The following ARHGEF4 variants were observed in gnomAD, a reference collection of about 807,000 sequenced individuals.
ARHGEF4 encodes the protein Rho guanine nucleotide exchange factor 4.
A neutral mutation model predicts 162.0 loss-of-function variants in ARHGEF4; 119 were observed. The observed-to-expected ratio is 0.73, with a 90% CI of 0.63 to 0.86. The LOEUF is 0.86. Among genes scored for constraint, ARHGEF4 ranks in the 40% least tolerant of loss-of-function variants. The pLI is 0.00. For synonymous variants in ARHGEF4, 1,014 were observed against 979.9 expected (o/e 1.03, Z -0.65); for missense variants, 2,488 against 2,456.0 (o/e 1.01, Z -0.28).
In ARHGEF4 at chr2:130,915,775, G is replaced by T; in HGVS notation, c.1829G>T (p.Gly610Val). ...GAEEGEQGPG[G>V]AGGRQLEPKA... is the part of the protein sequence containing the mutation. ...GAGGAGGGTGAACAGGGGCCTGGGG[G>T]TGCCGGGGGCCGGCAGCTGGAGCCC... Residue 610 changes from glycine (G) to valine (V), a missense_variant, in exon 2 of 14, where the codon GGT (glycine) becomes GTT (valine). By Grantham distance (109) the Gly-to-Val change is moderately radical. This residue lies in a region of ARHGEF4 where 1,642 missense variants were observed against 1,481.5 expected (regional missense o/e 1.11). Transcript: ENST00000409359. The T allele has an allele frequency of 6.5e-7, 1 of 1,529,024 alleles. No homozygotes were observed. Among genetic ancestry groups the T allele is most frequent in the Non-Finnish European group, 8.8e-7 (1 of 1,136,626 alleles). The allele number at this position is 1,529,024 out of a possible 1,614,324, so 94.7% of individuals were successfully genotyped here.
intron 1 of ARHGEF4, among the ~76,000 whole-genome samples, chr2:130,845,365 A>G (rs7581148): frequency 0.11 from 16,882 of 151,872 alleles, 1,405 homozygotes; most frequent in African/African-American, 0.21. Context: ...AAAAAAATTA[A>G]CGTGGCATGG....
Position 131,031,804 on chromosome 2 carries a change from C to T in ARHGEF4, c.4125+3720C>T, listed in dbSNP as rs145726391. ...TGTCTGCCCAGTTCCTCGCCCTCCC[C>T]CTTGACTCTCTTGGGCTGCACTGTG... On this transcript the variant is annotated intron_variant, in intron 5 of 13. Coordinates refer to ENST00000409359, the MANE Select transcript of ARHGEF4 (RefSeq NM_001367493.1). 2.2e-3 allele frequency among the ~76,000 whole-genome samples: 328 copies of T among 152,358 alleles called. 2 individuals carry two copies. The highest frequency in any genetic ancestry group is 6.9e-3 in the African/African-American group (287 of 41,590).
At chr2:131,030,972 G>C (rs566891898) in intron 5 of ARHGEF4, among the ~76,000 whole-genome samples, 2 of 152,364 alleles carry the variant, frequency 1.3e-5, no homozygotes, top group South Asian at 4.1e-4. Context: ...AGCTTTGCTG[G>C]GGGTTAGCGT....
chr2:130,882,593 G>A (rs1679265518), intron 1 of ARHGEF4, among the ~76,000 whole-genome samples: 1 of 151,958 alleles, frequency 6.6e-6, no homozygotes, highest in African/African-American at 2.4e-5. Flanking sequence ...TTCAACATAT[G>A]AACTTGGGGG....
At chr2:130,909,515 A>AAGGAGAGGGTGTTGAGGGAGGG (rs1681039924) in intron 1 of ARHGEF4, among the ~76,000 whole-genome samples, 1 of 152,108 alleles carries the variant, frequency 6.6e-6, no homozygotes, top group East Asian at 1.9e-4. Flanking sequence ...TTGAGGGAGG[A>AAGGAGAGGGTGTTGAGGGAGGG]GTGAGGAGAG....
At chr2:131,033,983 G>C (rs886350040) in intron 5 of ARHGEF4, among the ~76,000 whole-genome samples, 1 of 152,204 alleles carries the variant, frequency 6.6e-6, no homozygotes, top group Non-Finnish European at 1.5e-5. Context: ...GGTACCCCTT[G>C]TGTACACACA....
At chr2:130,907,128 G>GT (rs1264576667) in intron 1 of ARHGEF4, among the ~76,000 whole-genome samples, 3 of 151,234 alleles carry the variant, frequency 2.0e-5, no homozygotes, top group African/African-American at 4.9e-5. Flanking sequence ...ACAATATGCA[G>GT]TCTTTTGAGT....
At chr2:130,839,661 A>G (rs1464504390) in intron 1 of ARHGEF4, among the ~76,000 whole-genome samples, 1 of 152,214 alleles carries the variant, frequency 6.6e-6, no homozygotes, top group Non-Finnish European at 1.5e-5. Flanking sequence ...CCAGCAAATG[A>G]GTCAGAGGAG....
chr2:130,876,715 G>A (rs1006488204), intron 1 of ARHGEF4, among the ~76,000 whole-genome samples: 12 of 152,200 alleles, frequency 7.9e-5, no homozygotes, highest in African/African-American at 2.6e-4. Flanking sequence ...CAAAGAGATA[G>A]GTATTATTAG....
At chr2:131,025,846 AAG>A (rs1235157245) in intron 4 of ARHGEF4, among the ~76,000 whole-genome samples, 2 of 152,216 alleles carry the variant, frequency 1.3e-5, no homozygotes, top group African/African-American at 4.8e-5. Flanking sequence ...AATGTCTGAA[AAG>A]AGTCTTCAAA....
intron 3 of ARHGEF4, among the ~76,000 whole-genome samples, chr2:130,944,582 T>G (rs1683495874): frequency 6.6e-6 from 1 of 152,246 alleles, no homozygotes; most frequent in Non-Finnish European, 1.5e-5. Flanking sequence ...TTTTAGTTAT[T>G]TTATATTTTT....
intron 10 of ARHGEF4, among the ~76,000 whole-genome samples, chr2:131,042,484 C>T (rs1197705306): frequency 6.6e-6 from 1 of 152,132 alleles, no homozygotes; most frequent in Non-Finnish European, 1.5e-5. Context: ...AATCTGCCAC[C>T]TCCTGATCTG....
At chr2:130,992,310 A>G (rs980799600) in intron 4 of ARHGEF4, among the ~76,000 whole-genome samples, 3 of 152,122 alleles carry the variant, frequency 2.0e-5, no homozygotes, top group Non-Finnish European at 2.9e-5. Flanking sequence ...ACACTGTGGA[A>G]GCTTTATTCT....
At chr2:130,860,709 CAAAAAAAT>C (rs1331786633) in intron 1 of ARHGEF4, among the ~76,000 whole-genome samples, 4 of 111,554 alleles carry the variant, frequency 3.6e-5, no homozygotes, top group East Asian at 2.6e-4. Flanking sequence ...GACTCCATCT[CAAAAAAAT>C]AAAAAAATAA....
At chr2:131,012,589 G>T (rs1209233522) in intron 4 of ARHGEF4, among the ~76,000 whole-genome samples, 1 of 151,856 alleles carries the variant, frequency 6.6e-6, no homozygotes, top group African/African-American at 2.4e-5. Context: ...GGGGGGTGGG[G>T]GAGGGGTGTG....
At chr2:130,896,553 A>G (rs1363560447) in intron 1 of ARHGEF4, among the ~76,000 whole-genome samples, 3 of 152,254 alleles carry the variant, frequency 2.0e-5, no homozygotes, top group Non-Finnish European at 4.4e-5. Context: ...GAGAATGGCT[A>G]TCCCATTTTG....
At position 130,988,870 on chromosome 2, in the gene ARHGEF4, GTGTATATATA is replaced by G. The variant is rs766667655; in HGVS notation, c.3986-39073_3986-39064del. On this transcript the variant is annotated intron_variant, in intron 4 of 13. Transcript: ENST00000409359. ...TATTTGTGTGTGTGTGTGTGTGTGTGTGTATATATATATATATATATATATATATATAGAG... is the reference window on the plus strand; with the variant it reads ...TATTTGTGTGTGTGTGTGTGTGTGTGTATATATATATATATATATATAGAG... Among the ~76,000 whole-genome samples, 189 of 29,202 alleles carry G rather than the reference GTGTATATATA, an allele frequency of 6.5e-3. 1 individual carries two copies. Among genetic ancestry groups the G allele is most frequent in the East Asian group, 9.7e-3 (5 of 516 alleles). The allele number at this position is 29,202 out of a possible 152,430, so 19.2% of individuals were successfully genotyped here.
chr2:130,902,613 A>G, intron 1 of ARHGEF4, among the ~76,000 whole-genome samples: 1 of 151,404 alleles, frequency 6.6e-6, no homozygotes, highest in East Asian at 1.9e-4. Flanking sequence ...AGGAAAGAAA[A>G]GAAGAAAAGA....
At chr2:131,044,625 G>C in intron 12 of ARHGEF4, 83 bp downstream of exon 12, 2 of 1,489,212 alleles carry the variant, frequency 1.3e-6, no homozygotes, top group Non-Finnish European at 9.0e-7. Context: ...GGTCAGGAGA[G>C]CGCCGCTCAG....
Sources: gnomAD v4.1 joint callset for allele counts (sites outside exome capture counted in the v4.1 genomes callset) on GRCh38, gnomAD v4.1.1 for gene constraint, gnomAD v4.1.1 regional missense constraint, MANE v1.5 for transcripts, NCBI Gene and HGNC (gene_info 2026-07-23, HGNC 2026-07-21) for gene names.